CTNNA3: variants seen among roughly 807,000 people sequenced by gnomAD.
CTNNA3 encodes catenin alpha 3, also known as catenin alpha-3.
CTNNA3 carries 76 observed loss-of-function variants against 95.7 expected under a neutral mutation model. The ratio of observed to expected loss-of-function variants is 0.79; its 90% CI spans 0.66 to 0.96. The LOEUF is 0.96. Ranked by LOEUF, CTNNA3 falls within the 40% of genes least tolerant of loss-of-function variation. The pLI is 0.00. For missense variants in CTNNA3, 1,191 were observed against 1,089.8 expected (o/e 1.09, Z -1.31); for synonymous variants, 431 against 374.4 (o/e 1.15, Z -1.74).
intron 17 of CTNNA3, among the ~76,000 whole-genome samples, chr10:65,943,742 A>G (rs988404043): frequency 6.6e-6 from 1 of 152,162 alleles, no homozygotes; most frequent in African/African-American, 2.4e-5. Context: ...AAGCAGTGCA[A>G]TCTTCCCCCA....
At chr10:67,314,907 C>A (rs191526548) in intron 5 of CTNNA3, among the ~76,000 whole-genome samples, 4 of 152,304 alleles carry the variant, frequency 2.6e-5, no homozygotes, top group African/African-American at 9.6e-5. Flanking sequence ...CAAATGACTT[C>A]TAAGTGGCCC....
chr10:66,102,559 C>T (rs144332568), intron 14 of CTNNA3, among the ~76,000 whole-genome samples: 2 of 152,264 alleles, frequency 1.3e-5, no homozygotes, highest in African/African-American at 4.8e-5. Flanking sequence ...GTTGTCTGGT[C>T]TGTAGTTGCA....
At chr10:66,080,622 T>C (rs2080719547) in intron 14 of CTNNA3, among the ~76,000 whole-genome samples, 1 of 152,158 alleles carries the variant, frequency 6.6e-6, no homozygotes, top group African/African-American at 2.4e-5. Context: ...ATCATAGTTG[T>C]CAAATAATAA....
At chr10:66,624,626 G>T (rs1394290198) in intron 9 of CTNNA3, among the ~76,000 whole-genome samples, 2 of 152,078 alleles carry the variant, frequency 1.3e-5, no homozygotes, top group East Asian at 3.9e-4. Context: ...CTACTGAAAG[G>T]CATTCATTAA....
intron 7 of CTNNA3, among the ~76,000 whole-genome samples, chr10:67,026,660 C>T (rs1306522031): frequency 1.3e-5 from 2 of 152,108 alleles, no homozygotes; most frequent in Non-Finnish European, 1.5e-5. Flanking sequence ...TGGGAGGAAA[C>T]CAATTTCTTC....
intron 7 of CTNNA3, among the ~76,000 whole-genome samples, chr10:67,017,267 A>G (rs532550857): frequency 2.9e-4 from 44 of 152,336 alleles, no homozygotes; most frequent in Non-Finnish European, 2.8e-4. Flanking sequence ...CCAACTTCAA[A>G]TAAACTAGGC....
chr10:66,557,791 A>G (rs1842436629), intron 10 of CTNNA3, among the ~76,000 whole-genome samples: 1 of 152,116 alleles, frequency 6.6e-6, no homozygotes, highest in Non-Finnish European at 1.5e-5. Context: ...TCTTTTTCAT[A>G]AGACACTAAG....
At chr10:67,264,461 T>A (rs1279667836) in intron 5 of CTNNA3, among the ~76,000 whole-genome samples, 2 of 152,164 alleles carry the variant, frequency 1.3e-5, no homozygotes, top group African/African-American at 4.8e-5. Flanking sequence ...GTTAGGAAAC[T>A]AAGACTCAAA....
chr10:67,685,052 G>A lies in CTNNA3; in HGVS notation c.-6+10948C>T, dbSNP rs187808966. Among the ~76,000 whole-genome samples the A allele has an allele frequency of 6.0e-4, 91 of 152,354 alleles. 2 individuals are homozygous for A. The highest frequency in any genetic ancestry group is 2.1e-3 in the African/African-American group (87 of 41,584). On this transcript the variant is annotated intron_variant, in intron 1 of 17. Transcript: ENST00000433211. The stretch of plus-strand genomic sequence containing the variant: ...AGGTCTAAGCCTCGGCAGTTTTGGA[G>A]AGTCACTGCTGCCGAAGAGTCTATT...
chr10:66,388,652 T>C (rs1455692875), intron 11 of CTNNA3, among the ~76,000 whole-genome samples: 1 of 151,400 alleles, frequency 6.6e-6, no homozygotes, highest in Non-Finnish European at 1.5e-5. Context: ...AAGTCTTATA[T>C]AAACATATGA....
intron 15 of CTNNA3, among the ~76,000 whole-genome samples, chr10:66,038,375 C>T (rs1166400101): frequency 6.6e-6 from 1 of 152,206 alleles, no homozygotes; most frequent in South Asian, 2.1e-4. Flanking sequence ...CCTCTCTAAC[C>T]TCTTTTATGT....
At chr10:66,778,850 T>G (rs576366339) in intron 7 of CTNNA3, among the ~76,000 whole-genome samples, 4 of 151,984 alleles carry the variant, frequency 2.6e-5, no homozygotes, top group Admixed American at 2.6e-4. Flanking sequence ...GTGGCGCATA[T>G]CTGTAATCCC....
chr10:66,194,529 G>C (rs1589693611), intron 13 of CTNNA3, among the ~76,000 whole-genome samples: 1 of 152,130 alleles, frequency 6.6e-6, no homozygotes, highest in Non-Finnish European at 1.5e-5. Flanking sequence ...GCAGTGAGCC[G>C]AGATCATGCC....
chr10:67,553,394 T>A lies in CTNNA3; in HGVS notation c.293-13725A>T, dbSNP rs16924635. 8.1e-3 allele frequency among the ~76,000 whole-genome samples: 1,236 copies of A among 152,296 alleles called. 18 individuals are homozygous for A. Among genetic ancestry groups the A allele is most frequent in the African/African-American group, 0.028 (1,184 of 41,562 alleles). ...GCTTCTTTTATTAGAAATGAGTTCA[T>A]AAGCTGTGATCCTGGAAAAACATCT... On this transcript the variant is annotated intron_variant, in intron 3 of 17. Coordinates refer to ENST00000433211, the MANE Select transcript of CTNNA3 (RefSeq NM_013266.4).
intron 16 of CTNNA3, among the ~76,000 whole-genome samples, chr10:65,980,283 A>G (rs1258880105): frequency 6.6e-6 from 1 of 151,990 alleles, no homozygotes; most frequent in Non-Finnish European, 1.5e-5. Context: ...AGGAAGACAT[A>G]GAAACTCTGA....
At chr10:66,656,540 T>C (rs1158658291) in intron 9 of CTNNA3, among the ~76,000 whole-genome samples, 1 of 152,050 alleles carries the variant, frequency 6.6e-6, no homozygotes, top group Non-Finnish European at 1.5e-5. Flanking sequence ...GAGAGAGGAC[T>C]TGCTAGTTTA....
chr10:67,012,666 C>A (rs904688196), intron 7 of CTNNA3, among the ~76,000 whole-genome samples: 2 of 151,966 alleles, frequency 1.3e-5, no homozygotes, highest in Non-Finnish European at 2.9e-5. Context: ...TCCATTGTGC[C>A]CTCATTGGTT....
intron 9 of CTNNA3, among the ~76,000 whole-genome samples, chr10:66,684,394 T>C (rs989281548): frequency 7.2e-5 from 11 of 152,220 alleles, no homozygotes; most frequent in African/African-American, 2.7e-4. Flanking sequence ...GACCTAATCA[T>C]TCTTAGCATA....
rs151153522 is a variant in CTNNA3 at position 66,514,651 on chromosome 10, T to C, written c.1531+5966A>G. ...AATCTCTTCCACTACCTTTTACTCA[T>C]TGTTCAATTTCCAGTACCTTTCATG... On this transcript the variant is annotated intron_variant, in intron 11 of 17. Coordinates refer to ENST00000433211, the MANE Select transcript of CTNNA3 (RefSeq NM_013266.4). Among the ~76,000 whole-genome samples, 333 of 152,304 alleles carry C rather than the reference T, an allele frequency of 2.2e-3. 2 individuals are homozygous for C. The highest frequency in any genetic ancestry group is 7.4e-3 in the African/African-American group (308 of 41,560).
Sources: allele counts gnomAD v4.1 joint callset (sites outside exome capture counted in the v4.1 genomes callset), GRCh38; gene constraint gnomAD v4.1.1; transcripts MANE v1.5; gene names NCBI Gene and HGNC (gene_info 2026-07-23, HGNC 2026-07-21).